The following HCK variants were observed in gnomAD, a reference collection of about 807,000 sequenced individuals.
HCK encodes HCK proto-oncogene, Src family tyrosine kinase.
Under a neutral mutation model 70.4 loss-of-function variants are expected in HCK, and 40 were observed. The observed-to-expected ratio is 0.57, with a 90% confidence interval of 0.44 to 0.74. The LOEUF (loss-of-function observed/expected upper bound fraction) is 0.74. HCK is among the 30% of genes least tolerant of loss of function. The probability of loss-of-function intolerance (pLI) is 0.00; values close to 1 mark genes in which losing one functional copy is unlikely to be tolerated. For missense variants in HCK, 568 were observed against 697.2 expected (o/e 0.81, Z 2.09); for synonymous variants, 245 against 263.2 (o/e 0.93, Z 0.67).
At chr20:32,097,253 CTGTG>C (rs908032794) in intron 11 of HCK, among the ~76,000 whole-genome samples, 6 of 151,940 alleles carry the variant, frequency 3.9e-5, no homozygotes, top group African/African-American at 4.8e-5. Flanking sequence ...GCACTCCAGC[CTGTG>C]TAACAGAGCA....
At chr20:32,079,023 G>A (rs1239852911) in intron 5 of HCK, among the ~76,000 whole-genome samples, 1 of 152,178 alleles carries the variant, frequency 6.6e-6, no homozygotes, top group East Asian at 1.9e-4. Context: ...GCAGGTTTGT[G>A]GCAGAGCCAA....
chr20:32,079,458 A>T (rs1233633907), intron 5 of HCK, among the ~76,000 whole-genome samples: 1 of 152,174 alleles, frequency 6.6e-6, no homozygotes, highest in Admixed American at 6.5e-5. Flanking sequence ...GCAGCACTGA[A>T]ATGACCTATC....
intron 10 of HCK, among the ~76,000 whole-genome samples, chr20:32,093,542 T>C (rs1263951634): frequency 6.7e-6 from 1 of 148,978 alleles, no homozygotes; most frequent in Non-Finnish European, 1.5e-5. Flanking sequence ...CGTGTGTGTG[T>C]ATGTGTGTTC....
intron 1 of HCK, chr20:32,054,102 C>A: frequency 4.9e-6 from 2 of 410,816 alleles, no homozygotes; most frequent in Non-Finnish European, 9.8e-6. Context: ...CAAATAATAG[C>A]ATTTTGTTGT....
At position 32,073,341 on chromosome 20, in the gene HCK, A is replaced by T. The variant is rs1167628516; in HGVS notation, c.206A>T (p.Asn69Ile). The T allele has an allele frequency of 2.5e-6, 4 of 1,612,090 alleles. No homozygotes were observed. Among genetic ancestry groups the T allele is most frequent in the African/African-American group, 1.3e-5 (1 of 74,784 alleles). The change falls in exon 3 of 13, where the codon AAC becomes ATC. Residue 69 changes from asparagine (N) to isoleucine (I), a missense_variant. Around this residue, in one of 4 missense-constraint regions of HCK, gnomAD observed 318 missense variants for 336.0 expected, o/e 0.95. Transcript: ENST00000375852. The stretch of plus-strand genomic sequence containing the variant: ...CAGGGGCCTAATAGCCACAACAGCA[A>T]CACACCAGGAATCAGGGAGGGTAAG...
At chr20:32,100,539 T>C (rs1353061377) in intron 12 of HCK, among the ~76,000 whole-genome samples, 1 of 152,202 alleles carries the variant, frequency 6.6e-6, no homozygotes. Context: ...GGGATAGAAA[T>C]TGGAGAGCTC....
intron 1 of HCK, among the ~76,000 whole-genome samples, chr20:32,059,336 T>G (rs992014828): frequency 4.6e-5 from 7 of 151,280 alleles, no homozygotes; most frequent in African/African-American, 1.7e-4. Flanking sequence ...CTTCTTTCCC[T>G]TCTTTCCTTC....
Position 32,052,433 on chromosome 20 carries a change from G to A in HCK, c.9G>A (p.Gly3=), listed in dbSNP as rs1379022078. ...CCTCAGGGGCTGCCGAGCTGGGGGG[G>A]CGCTCAAGCTGCGAGGATCCGGGCT... Residue 3 remains glycine, a synonymous_variant, in exon 1 of 13, where the codon GGG becomes GGA. Transcript: ENST00000375852. 9.3e-6 allele frequency: 12 copies of A among 1,283,440 alleles called. No homozygotes were observed. Among genetic ancestry groups the A allele is most frequent in the Non-Finnish European group, 1.2e-5 (12 of 1,006,054 alleles). 79.5% of individuals were successfully genotyped at this position (1,283,440 alleles called of 1,614,324 possible). A position where few individuals can be genotyped will look rare whatever the true frequency, so the allele number is the denominator to read the frequency against.
intron 5 of HCK, among the ~76,000 whole-genome samples, chr20:32,077,594 T>C (rs1241716577): frequency 6.6e-6 from 1 of 152,070 alleles, no homozygotes; most frequent in Non-Finnish European, 1.5e-5. Flanking sequence ...TGGTGTGATC[T>C]CGGCTCACTG....
At chr20:32,086,576 A>G in intron 8 of HCK, 52 bp from the exon 9 acceptor site, 1 of 1,487,638 alleles carries the variant, frequency 6.7e-7, no homozygotes. Context: ...CTAGGGTGGT[A>G]CGGGAGACCA....
At chr20:32,057,070 C>G (rs1388329455) in intron 1 of HCK, among the ~76,000 whole-genome samples, 1 of 152,180 alleles carries the variant, frequency 6.6e-6, no homozygotes, top group African/African-American at 2.4e-5. Flanking sequence ...GGATTTCTGT[C>G]TCCTAAAACA....
chr20:32,086,502 C>T lies in HCK; in HGVS notation c.836-126C>T, dbSNP rs545724081. The stretch of plus-strand genomic sequence containing the variant: ...GGCCTAAGCCCATGATTTCGCTTCC[C>T]TCTCTGAGAGTTGAGATGAGCAGGA... On this transcript the variant is annotated intron_variant, in intron 8 of 12. Transcript: ENST00000375852. 13 of 781,312 alleles carry T rather than the reference C, an allele frequency of 1.7e-5. No individual in the cohort carries two copies. In the East Asian group the frequency reaches 3.8e-4, roughly 23 times the overall value. 48.4% of individuals were successfully genotyped at this position (781,312 alleles called of 1,614,324 possible). A position where few individuals can be genotyped will look rare whatever the true frequency, so the allele number is the denominator to read the frequency against.
chr20:32,064,279 C>T (rs954331976), intron 1 of HCK, among the ~76,000 whole-genome samples: 5 of 152,188 alleles, frequency 3.3e-5, no homozygotes, highest in African/African-American at 1.2e-4. Context: ...CAGGCATGAG[C>T]CACCGCGCCC....
At chr20:32,058,156 T>C (rs6058522) in intron 1 of HCK, among the ~76,000 whole-genome samples, 32,924 of 151,806 alleles carry the variant, frequency 0.22, 4,832 homozygotes, top group African/African-American at 0.41. Flanking sequence ...CGAGTCTGAG[T>C]GCCAGCTCTG....
intron 12 of HCK, 57 bp from the exon 13 acceptor site, chr20:32,101,260 C>A: frequency 6.6e-7 from 1 of 1,526,220 alleles, no homozygotes; most frequent in Non-Finnish European, 9.0e-7. Context: ...GGGCCTGCCA[C>A]CCCTGGGCTC....
chr20:32,053,021 A>G (rs1393920328), intron 1 of HCK, among the ~76,000 whole-genome samples: 1 of 150,572 alleles, frequency 6.6e-6, no homozygotes, highest in African/African-American at 2.5e-5. Flanking sequence ...TCTAGGTCAA[A>G]CCCCCAAACC....
At chr20:32,098,499 A>C (rs2045987377) in intron 11 of HCK, among the ~76,000 whole-genome samples, 1 of 152,126 alleles carries the variant, frequency 6.6e-6, no homozygotes, top group African/African-American at 2.4e-5. Flanking sequence ...AGAAAAAAAA[A>C]ATGAAAAGGC....
At chr20:32,062,563 C>T (rs142683546) in intron 1 of HCK, among the ~76,000 whole-genome samples, 12 of 152,292 alleles carry the variant, frequency 7.9e-5, no homozygotes, top group African/African-American at 2.6e-4. Context: ...GTTGCTCTGT[C>T]GCTCGCCATC....
Position 32,074,650 on chromosome 20 carries a change from C to G in HCK, c.357C>G (p.Ser119=). 6.2e-7 allele frequency: 1 copy of G among 1,613,956 alleles called. No individual in the cohort carries two copies. The highest frequency in any genetic ancestry group is 8.5e-7 in the Non-Finnish European group (1 of 1,179,838). The change falls in exon 5 of 13, where the codon TCC becomes TCG. Residue 119 remains serine, a synonymous_variant. Coordinates refer to ENST00000375852, the MANE Select transcript of HCK (RefSeq NM_002110.5). ...CCGGGGAGTGGTGGAAGGCTCGATC[C>G]CTGGCCACCCGGAAGGAGGGCTACA...
Sources: allele counts gnomAD v4.1 joint callset (sites outside exome capture counted in the v4.1 genomes callset), GRCh38; gene constraint gnomAD v4.1.1; regional missense constraint gnomAD v4.1.1; transcripts MANE v1.5; gene names NCBI Gene and HGNC (gene_info 2026-07-23, HGNC 2026-07-21).